ZCCHC7: variants seen among roughly 807,000 people sequenced by gnomAD.
ZCCHC7 encodes the protein zinc finger CCHC-type containing 7.
A neutral mutation model predicts 52.0 loss-of-function variants in ZCCHC7; 35 were observed. The observed-to-expected ratio is 0.67, with a 90% CI of 0.51 to 0.89. The LOEUF is 0.89. ZCCHC7 is among the 40% of genes least tolerant of loss of function. The pLI, the probability that ZCCHC7 is intolerant of heterozygous loss-of-function variation, is 0.00. For missense variants in ZCCHC7, 574 were observed against 649.1 expected (o/e 0.88, Z 1.26); for synonymous variants, 217 against 221.5 (o/e 0.98, Z 0.18).
chr9:37,301,756 G>C (rs1829041138), intron 2 of ZCCHC7, among the ~76,000 whole-genome samples: 1 of 152,174 alleles, frequency 6.6e-6, no homozygotes. Flanking sequence ...CTGGAGGTGT[G>C]AGAGGGTTGT....
rs192498402 is a variant in ZCCHC7 at position 37,203,060 on chromosome 9, G to A, written c.610+76118G>A. Among the ~76,000 whole-genome samples the A allele has an allele frequency of 1.1e-4, 16 of 152,330 alleles. No individual in the cohort carries two copies. The South Asian group carries it at 2.1e-3, about 20-fold the overall frequency. ...GTTAAACCCACAGAAACTACAGGGG[G>A]CAACTAGGAAGTGCAGGGTGGTATC... is the stretch of plus-strand genomic sequence containing the variant. On this transcript the variant is annotated intron_variant, in intron 2 of 8. Coordinates refer to ENST00000336755, the MANE Select transcript of ZCCHC7 (RefSeq NM_032226.3).
intron 5 of ZCCHC7, among the ~76,000 whole-genome samples, chr9:37,324,670 T>C (rs1325268780): frequency 1.3e-5 from 2 of 152,228 alleles, no homozygotes; most frequent in Non-Finnish European, 2.9e-5. Flanking sequence ...GGGGTTTTTT[T>C]CTTCCCTTTT....
At chr9:37,206,501 A>G (rs1823925341) in intron 2 of ZCCHC7, among the ~76,000 whole-genome samples, 1 of 151,954 alleles carries the variant, frequency 6.6e-6, no homozygotes, top group Non-Finnish European at 1.5e-5. Context: ...ACAAGTATGT[A>G]CCACCACATC....
In ZCCHC7 at chr9:37,226,985, C is replaced by T. The variant is rs139242607; in HGVS notation, c.611-75203C>T. On this transcript the variant is annotated intron_variant, in intron 2 of 8. Coordinates refer to ENST00000336755, the MANE Select transcript of ZCCHC7 (RefSeq NM_032226.3). ...CGGAGCTTGCAGTGAGCCGAGATTGCGGCACTGCACTCCAGCCTGGGCGAC... is the reference window on the plus strand; with the variant it reads ...CGGAGCTTGCAGTGAGCCGAGATTGTGGCACTGCACTCCAGCCTGGGCGAC... Among the ~76,000 whole-genome samples, 129 of 140,850 alleles carry T rather than the reference C, an allele frequency of 9.2e-4. No individual in the cohort carries two copies. The East Asian group carries it at 0.019, about 20-fold the overall frequency. The allele number at this position is 140,850 out of a possible 152,430, so 92.4% of individuals were successfully genotyped here.
chr9:37,223,161 A>G (rs1299129130), intron 2 of ZCCHC7, among the ~76,000 whole-genome samples: 5 of 152,180 alleles, frequency 3.3e-5, no homozygotes, highest in Admixed American at 6.5e-5. Flanking sequence ...GTTTAAAAAA[A>G]AAAGTCTTAA....
At chr9:37,305,859 C>T in intron 5 of ZCCHC7, 145 bp downstream of exon 5, 1 of 790,316 alleles carries the variant, frequency 1.3e-6, no homozygotes, top group Non-Finnish European at 1.9e-6. Context: ...ATAGTCATGT[C>T]CATTTTGTCA....
chr9:37,293,055 A>T (rs1828612743), intron 2 of ZCCHC7, among the ~76,000 whole-genome samples: 1 of 152,220 alleles, frequency 6.6e-6, no homozygotes, highest in Non-Finnish European at 1.5e-5. Context: ...GGCACTCATA[A>T]CAATAGGGGA....
intron 2 of ZCCHC7, among the ~76,000 whole-genome samples, chr9:37,271,149 A>G (rs1019563232): frequency 2.0e-5 from 3 of 152,236 alleles, no homozygotes; most frequent in African/African-American, 4.8e-5. Context: ...GTGCCACTTC[A>G]GAGAACACAG....
intron 2 of ZCCHC7, among the ~76,000 whole-genome samples, chr9:37,153,623 TC>T (rs1820657555): frequency 4.6e-5 from 7 of 151,596 alleles, no homozygotes; most frequent in East Asian, 1.9e-4. Flanking sequence ...TTTCTTTCTT[TC>T]TTTCTTTTTT....
intron 2 of ZCCHC7, among the ~76,000 whole-genome samples, chr9:37,255,477 AT>A (rs1826542013): frequency 6.6e-6 from 1 of 152,140 alleles, no homozygotes; most frequent in African/African-American, 2.4e-5. Flanking sequence ...AGATTTCATC[AT>A]GCTACTCAGA....
At chr9:37,347,073 G>A (rs552437806) in intron 6 of ZCCHC7, among the ~76,000 whole-genome samples, 15 of 152,256 alleles carry the variant, frequency 9.9e-5, no homozygotes, top group Admixed American at 3.9e-4. Flanking sequence ...AGTGATCCAC[G>A]TTTAAGCCGA....
intron 6 of ZCCHC7, among the ~76,000 whole-genome samples, chr9:37,348,448 T>C (rs1280618009): frequency 6.6e-6 from 1 of 151,616 alleles, no homozygotes; most frequent in African/African-American, 2.4e-5. Flanking sequence ...GGTGCGATCT[T>C]GGCTCACTGC....
chr9:37,352,511 CTTTTTTTTT>C (rs869266535), intron 7 of ZCCHC7, among the ~76,000 whole-genome samples: 1 of 81,574 alleles, frequency 1.2e-5, no homozygotes, highest in African/African-American at 5.6e-5. Context: ...ACAATTTGCT[CTTTTTTTTT>C]TTTTTTTTTT....
chr9:37,220,467 G>A lies in ZCCHC7; in HGVS notation c.611-81721G>A, dbSNP rs567697958. Among the ~76,000 whole-genome samples the A allele has an allele frequency of 2.7e-4, 41 of 152,262 alleles. 1 individual carries two copies. The South Asian group carries it at 7.3e-3, about 27-fold the overall frequency. Reference sequence around the variant, plus strand: ...TGAGGCAGGAGAATAACCTGAACCCGGGAGGCGAAAGTTGCAGTGAGCTGA... The same window carrying A: ...TGAGGCAGGAGAATAACCTGAACCCAGGAGGCGAAAGTTGCAGTGAGCTGA... On this transcript the variant is annotated intron_variant, in intron 2 of 8. Coordinates refer to ENST00000336755, the MANE Select transcript of ZCCHC7 (RefSeq NM_032226.3).
At chr9:37,182,982 G>A (rs766048095) in intron 2 of ZCCHC7, among the ~76,000 whole-genome samples, 12 of 152,198 alleles carry the variant, frequency 7.9e-5, no homozygotes, top group Non-Finnish European at 1.5e-4. Context: ...GGGCACCATA[G>A]TGAGACCCCC....
At chr9:37,128,608 G>A (rs1842637236) in intron 2 of ZCCHC7, among the ~76,000 whole-genome samples, 1 of 152,188 alleles carries the variant, frequency 6.6e-6, no homozygotes, top group Non-Finnish European at 1.5e-5. Context: ...TGATATGTGA[G>A]AAATAGTGTT....
chr9:37,328,499 C>G (rs1830335928), intron 6 of ZCCHC7, among the ~76,000 whole-genome samples: 1 of 151,934 alleles, frequency 6.6e-6, no homozygotes. Context: ...TAAATCATTT[C>G]AGTAATTCAC....
At chr9:37,174,083 G>A (rs867761025) in intron 2 of ZCCHC7, among the ~76,000 whole-genome samples, 33 of 152,024 alleles carry the variant, frequency 2.2e-4, no homozygotes, top group Admixed American at 7.9e-4. Flanking sequence ...AGGCTGAGGC[G>A]GGCAGATCAG....
chr9:37,288,146 G>A (rs1828345884), intron 2 of ZCCHC7, among the ~76,000 whole-genome samples: 1 of 151,822 alleles, frequency 6.6e-6, no homozygotes, highest in Non-Finnish European at 1.5e-5. Context: ...CAAGCATGGT[G>A]GTACACACCT....
Sources: allele counts gnomAD v4.1 joint callset (sites outside exome capture counted in the v4.1 genomes callset), GRCh38; gene constraint gnomAD v4.1.1; transcripts MANE v1.5; gene names NCBI Gene and HGNC (gene_info 2026-07-23, HGNC 2026-07-21).